PLCB1: variants seen among roughly 807,000 people sequenced by gnomAD.
The protein encoded by PLCB1 is phospholipase C beta 1.
Under a neutral mutation model 161.8 loss-of-function variants are expected in PLCB1, and 46 were observed. That is an observed-to-expected ratio of 0.28 (90% confidence interval 0.22 to 0.36). PLCB1 has a LOEUF of 0.36. PLCB1 is among the 10% of genes least tolerant of loss of function. PLCB1 has a pLI of 1.00. For synonymous variants in PLCB1, 517 were observed against 503.7 expected, an observed-to-expected ratio of 1.03 and a Z score of -0.35; for missense variants, 1,016 against 1,472.5, an observed-to-expected ratio of 0.69 and a Z score of 5.07.
At chr20:8,746,312 C>T (rs1459116888) in intron 23 of PLCB1, among the ~76,000 whole-genome samples, 2 of 152,040 alleles carry the variant, frequency 1.3e-5, no homozygotes, top group African/African-American at 2.4e-5. Flanking sequence ...AGTGAAATAT[C>T]ATAACACTTT....
intron 2 of PLCB1, among the ~76,000 whole-genome samples, chr20:8,284,623 C>A (rs1364802751): frequency 6.6e-6 from 1 of 152,142 alleles, no homozygotes; most frequent in Non-Finnish European, 1.5e-5. Context: ...ATCGTCCTGG[C>A]AGTTCTAAGG....
At chr20:8,707,275 A>G (rs763182344) in intron 11 of PLCB1, among the ~76,000 whole-genome samples, 47 of 152,182 alleles carry the variant, frequency 3.1e-4, no homozygotes, top group Non-Finnish European at 5.3e-4. Context: ...AGGAGTGGAT[A>G]TAAAGAACGC....
At chr20:8,385,416 G>A (rs901960195) in intron 3 of PLCB1, among the ~76,000 whole-genome samples, 2 of 152,210 alleles carry the variant, frequency 1.3e-5, no homozygotes, top group African/African-American at 4.8e-5. Context: ...TGTAGAGATG[G>A]ATGCTGTCCT....
intron 2 of PLCB1, among the ~76,000 whole-genome samples, chr20:8,178,798 G>A (rs114268810): frequency 1.2e-4 from 19 of 152,230 alleles, no homozygotes; most frequent in African/African-American, 4.6e-4. Flanking sequence ...TCCATTTGGA[G>A]TTTATTTTTG....
chr20:8,789,487 G>A lies in PLCB1; in HGVS notation c.3279-31G>A, dbSNP rs529480553. ...CCATTTGTCAATTCTGGATGAATTG[G>A]TATAATGATGTATTCATCATTTGCT... is the stretch of plus-strand genomic sequence containing the variant. On this transcript the variant is annotated intron_variant, in intron 29 of 31. Coordinates refer to ENST00000338037, the MANE Select transcript of PLCB1 (RefSeq NM_015192.4). 50 of 1,443,038 alleles carry A rather than the reference G, an allele frequency of 3.5e-5. No individual in the cohort carries two copies. The South Asian group carries it at 4.6e-4, about 13-fold the overall frequency. The allele number at this position is 1,443,038 out of a possible 1,614,324, so 89.4% of individuals were successfully genotyped here.
chr20:8,184,149 C>T (rs992442830), intron 2 of PLCB1, among the ~76,000 whole-genome samples: 4 of 152,056 alleles, frequency 2.6e-5, no homozygotes, highest in African/African-American at 7.2e-5. Flanking sequence ...CAGGTATCAG[C>T]CTGTGCATAT....
chr20:8,476,078 C>T (rs1374265312), intron 3 of PLCB1, among the ~76,000 whole-genome samples: 3 of 152,182 alleles, frequency 2.0e-5, no homozygotes, highest in Non-Finnish European at 2.9e-5. Context: ...CTATTACAGT[C>T]ATTTCCGGCA....
chr20:8,548,024 T>C (rs769940351), intron 3 of PLCB1, among the ~76,000 whole-genome samples: 10 of 152,150 alleles, frequency 6.6e-5, no homozygotes, highest in Non-Finnish European at 1.2e-4. Context: ...CAGAGAAGCC[T>C]TCCTCACCAC....
intron 2 of PLCB1, among the ~76,000 whole-genome samples, chr20:8,294,087 C>A (rs1405338169): frequency 6.6e-6 from 1 of 152,090 alleles, no homozygotes; most frequent in African/African-American, 2.4e-5. Flanking sequence ...ATGCAGAAGT[C>A]ATTTTCTTAG....
intron 2 of PLCB1, among the ~76,000 whole-genome samples, chr20:8,222,767 C>T (rs1404437560): frequency 6.6e-6 from 1 of 151,980 alleles, no homozygotes; most frequent in East Asian, 1.9e-4. Context: ...CAATATTTGT[C>T]TTCAATATTG....
intron 13 of PLCB1, among the ~76,000 whole-genome samples, chr20:8,716,789 A>G (rs1219758921): frequency 6.6e-6 from 1 of 152,198 alleles, no homozygotes; most frequent in African/African-American, 2.4e-5. Flanking sequence ...TTGGTGTGGC[A>G]CAACTCAGGT....
intron 23 of PLCB1, among the ~76,000 whole-genome samples, chr20:8,755,065 G>T (rs1397645642): frequency 6.6e-6 from 1 of 152,188 alleles, no homozygotes; most frequent in Non-Finnish European, 1.5e-5. Flanking sequence ...CCGGTTACTT[G>T]TTTAGTCTCC....
chr20:8,267,044 A>G (rs1007174999), intron 2 of PLCB1, among the ~76,000 whole-genome samples: 21 of 151,868 alleles, frequency 1.4e-4, no homozygotes, highest in Non-Finnish European at 2.4e-4. Context: ...TCTAAAAAAA[A>G]AAAAAGGGAA....
At position 8,722,327 on chromosome 20, in the gene PLCB1, T is replaced by A. The variant is rs774411153; in HGVS notation, c.1514-27T>A. On this transcript the variant is annotated intron_variant, in intron 14 of 31. Coordinates refer to ENST00000338037, the MANE Select transcript of PLCB1 (RefSeq NM_015192.4). Reference sequence around the variant, plus strand: ...AAAGCTAAATGTTGAAATGGTGACATGATGATCTGTTATTAAAATTTGACA... The same window carrying A: ...AAAGCTAAATGTTGAAATGGTGACAAGATGATCTGTTATTAAAATTTGACA... 8 of 1,559,082 alleles carry A rather than the reference T, an allele frequency of 5.1e-6. No homozygotes were observed. In the Admixed American group the frequency reaches 1.4e-4, roughly 27 times the overall value.
At chr20:8,462,893 C>G (rs953996644) in intron 3 of PLCB1, among the ~76,000 whole-genome samples, 1 of 148,216 alleles carries the variant, frequency 6.7e-6, no homozygotes, top group Admixed American at 6.8e-5. Context: ...AATAGGCCAA[C>G]AACAAGTAGG....
At chr20:8,203,628 A>G (rs754571497) in intron 2 of PLCB1, among the ~76,000 whole-genome samples, 1 of 152,112 alleles carries the variant, frequency 6.6e-6, no homozygotes, top group African/African-American at 2.4e-5. Flanking sequence ...GCACAGACAA[A>G]TCAGGTTCCT....
Position 8,697,739 on chromosome 20 carries a change from G to A in PLCB1, c.1123G>A (p.Val375Ile). Residue 375 changes from valine to isoleucine, a missense_variant, in exon 11 of 32, where the codon GTC becomes ATC. Coordinates refer to ENST00000338037, the MANE Select transcript of PLCB1 (RefSeq NM_015192.4). ...WKGRTAEEEP[V>I]ITHGFTMTTE... Reference sequence around the variant, plus strand: ...GGGACGGACTGCAGAAGAGGAACCTGTCATCACCCATGGCTTCACCATGAC... The same window carrying A: ...GGGACGGACTGCAGAAGAGGAACCTATCATCACCCATGGCTTCACCATGAC... The A allele has an allele frequency of 1.2e-6, 2 of 1,614,196 alleles. No homozygotes were observed. The highest frequency in any genetic ancestry group is 1.3e-5 in the African/African-American group (1 of 75,050).
At chr20:8,809,070 C>T (rs1984682369) in intron 31 of PLCB1, among the ~76,000 whole-genome samples, 1 of 152,096 alleles carries the variant, frequency 6.6e-6, no homozygotes, top group Non-Finnish European at 1.5e-5. Flanking sequence ...GATCATGGCT[C>T]ACTGCAGCCT....
At chr20:8,517,013 C>T (rs1470567300) in intron 3 of PLCB1, among the ~76,000 whole-genome samples, 1 of 151,976 alleles carries the variant, frequency 6.6e-6, no homozygotes, top group Admixed American at 6.6e-5. Context: ...TGAGTTTAAC[C>T]ACTGGACAGC....
Sources: gnomAD v4.1 joint callset for allele counts (sites outside exome capture counted in the v4.1 genomes callset) on GRCh38, gnomAD v4.1.1 for gene constraint, MANE v1.5 for transcripts, NCBI Gene and HGNC (gene_info 2026-07-23, HGNC 2026-07-21) for gene names.